Variants in RPS6KC1 observed in about 807,000 individuals in gnomAD.
The protein encoded by RPS6KC1 is inactive ribosomal protein S6 kinase delta-1.
RPS6KC1 carries 54 observed loss-of-function variants against 103.8 expected under a neutral mutation model. That is an observed-to-expected ratio of 0.52 (90% CI 0.42 to 0.65). The LOEUF is 0.65. RPS6KC1 is among the 30% of genes least tolerant of loss of function. The pLI is 0.00. For missense variants in RPS6KC1, 1,151 were observed against 1,253.8 expected, an observed-to-expected ratio of 0.92 and a Z score of 1.24; for synonymous variants, 439 against 438.7, an observed-to-expected ratio of 1.00 and a Z score of -0.01.
At chr1:213,055,031 G>A (rs1302839829) in intron 1 of RPS6KC1, among the ~76,000 whole-genome samples, 1 of 152,182 alleles carries the variant, frequency 6.6e-6, no homozygotes, top group East Asian at 1.9e-4. Context: ...TAAAAGGTAT[G>A]TTTTTATTCT....
the RPS6KC1 span, among the ~76,000 whole-genome samples, chr1:213,588,118 C>T: frequency 6.6e-6 from 1 of 152,020 alleles, no homozygotes; most frequent in East Asian, 1.9e-4. Context: ...CTCTCTCACC[C>T]AGACTGGAGT....
chr1:213,491,599 C>A, the RPS6KC1 span, among the ~76,000 whole-genome samples: 4 of 152,166 alleles, frequency 2.6e-5, no homozygotes, highest in Non-Finnish European at 5.9e-5. Context: ...GAGTCAGGAG[C>A]AAGGCGTTGC....
the RPS6KC1 span, among the ~76,000 whole-genome samples, chr1:213,558,280 G>A: frequency 6.6e-6 from 1 of 152,228 alleles, no homozygotes; most frequent in African/African-American, 2.4e-5. Context: ...TGGGTAGAGA[G>A]AGTGGGAACT....
At chr1:213,644,400 T>G in the RPS6KC1 span, among the ~76,000 whole-genome samples, 1 of 152,096 alleles carries the variant, frequency 6.6e-6, no homozygotes. Context: ...TAGTTTACAT[T>G]AGGGTTCCAT....
At chr1:213,722,626 C>T in the RPS6KC1 span, among the ~76,000 whole-genome samples, 1 of 152,272 alleles carries the variant, frequency 6.6e-6, no homozygotes, top group Admixed American at 6.5e-5. Flanking sequence ...ATGGCCATCT[C>T]CCTTCCCCAG....
chr1:213,501,200 T>G, the RPS6KC1 span, among the ~76,000 whole-genome samples: 1 of 152,356 alleles, frequency 6.6e-6, no homozygotes, highest in Admixed American at 6.5e-5. Flanking sequence ...CTCCAAGATA[T>G]AAATGTATTA....
At chr1:213,514,476 T>C in the RPS6KC1 span, among the ~76,000 whole-genome samples, 59 of 148,636 alleles carry the variant, frequency 4.0e-4, no homozygotes, top group African/African-American at 1.4e-3. Context: ...TGAGAACATG[T>C]GGTGTTTGTT....
chr1:213,463,019 ACTT>A, the RPS6KC1 span, among the ~76,000 whole-genome samples: 1 of 152,204 alleles, frequency 6.6e-6, no homozygotes, highest in African/African-American at 2.4e-5. Context: ...ACTGAATTAA[ACTT>A]CTTACTTCAT....
intron 3 of RPS6KC1, among the ~76,000 whole-genome samples, chr1:213,088,763 A>T (rs2080679756): frequency 6.6e-6 from 1 of 152,184 alleles, no homozygotes. Flanking sequence ...ATTTAGGAAG[A>T]GTTCTGAATG....
chr1:213,213,690 T>C (rs2093578336), intron 8 of RPS6KC1, among the ~76,000 whole-genome samples: 1 of 152,166 alleles, frequency 6.6e-6, no homozygotes, highest in African/African-American at 2.4e-5. Context: ...AATGAAACAA[T>C]GTAGGAATGA....
chr1:213,711,813 A>G, the RPS6KC1 span, among the ~76,000 whole-genome samples: 2 of 152,158 alleles, frequency 1.3e-5, no homozygotes, highest in Non-Finnish European at 1.5e-5. Context: ...TCCACTCCAT[A>G]TCCTGTTTGC....
Position 213,051,521 on chromosome 1 carries a change from T to C in RPS6KC1, c.105+12T>C, listed in dbSNP as rs761597412. 6.3e-7 allele frequency: 1 copy of C among 1,589,468 alleles called. No individual in the cohort carries two copies. The highest frequency in any genetic ancestry group is 8.6e-7 in the Non-Finnish European group (1 of 1,161,250). On this transcript the variant is annotated intron_variant, in intron 1 of 14. Transcript: ENST00000366960. ...AGGTCACCGCCCGGGTGAGTGCCGG[T>C]GTCGGGCTGGGGTAGAGCTTGGATT...
the RPS6KC1 span, among the ~76,000 whole-genome samples, chr1:213,296,710 T>A: frequency 6.6e-6 from 1 of 152,126 alleles, no homozygotes; most frequent in South Asian, 2.1e-4. Flanking sequence ...TGGGGACTAG[T>A]TGGTCAGAGA....
At chr1:213,354,797 G>A in the RPS6KC1 span, among the ~76,000 whole-genome samples, 1 of 152,126 alleles carries the variant, frequency 6.6e-6, no homozygotes, top group Admixed American at 6.5e-5. Context: ...TTCCTTTAGG[G>A]CTTTGCCCTC....
At chr1:213,430,592 G>A in the RPS6KC1 span, among the ~76,000 whole-genome samples, 6 of 152,144 alleles carry the variant, frequency 3.9e-5, no homozygotes, top group African/African-American at 1.2e-4. Flanking sequence ...TGTAGGAGTC[G>A]GAATATGTGC....
At chr1:213,563,865 A>G in the RPS6KC1 span, among the ~76,000 whole-genome samples, 1 of 151,628 alleles carries the variant, frequency 6.6e-6, no homozygotes, top group African/African-American at 2.4e-5. Context: ...TTATTATTTT[A>G]TAATTATTCA....
the RPS6KC1 span, among the ~76,000 whole-genome samples, chr1:213,767,211 C>T: frequency 1.6e-4 from 24 of 152,322 alleles, no homozygotes; most frequent in African/African-American, 5.1e-4. Flanking sequence ...CAAAACCCTT[C>T]GCTATCTCTC....
chr1:213,708,277 A>G, the RPS6KC1 span, among the ~76,000 whole-genome samples: 52 of 152,210 alleles, frequency 3.4e-4, no homozygotes, highest in East Asian at 8.5e-3. Flanking sequence ...TTGTATTCCT[A>G]GGTATTTTAT....
At chr1:213,291,883 T>A in the RPS6KC1 span, among the ~76,000 whole-genome samples, 1 of 152,236 alleles carries the variant, frequency 6.6e-6, no homozygotes, top group Non-Finnish European at 1.5e-5. Context: ...GTTTTAGGTC[T>A]AACGTTTAAG....
Sources: gnomAD v4.1 joint callset for allele counts (sites outside exome capture counted in the v4.1 genomes callset) on GRCh38, gnomAD v4.1.1 for gene constraint, MANE v1.5 for transcripts, NCBI Gene and HGNC (gene_info 2026-07-23, HGNC 2026-07-21) for gene names.